The following TOMM7 variants were observed in gnomAD, a reference collection of about 807,000 sequenced individuals.
TOMM7 encodes mitochondrial import receptor subunit TOM7 homolog.
TOMM7 carries 8 observed loss-of-function variants against 9.5 expected under a neutral mutation model. The observed-to-expected ratio is 0.84, with a 90% confidence interval of 0.49 to 1.51. The LOEUF (loss-of-function observed/expected upper bound fraction) is 1.51, where lower values mean the gene tolerates loss of function less well. Ranked by LOEUF, TOMM7 falls within the 40% of genes most tolerant of loss-of-function variation. The pLI is 0.00. For synonymous variants in TOMM7, 27 were observed against 21.4 expected, an observed-to-expected ratio of 1.26 and a Z score of -0.72; for missense variants, 74 against 63.7, an observed-to-expected ratio of 1.16 and a Z score of -0.55.
chr7:22,821,498 G>A (rs1782390732), intron 1 of TOMM7, among the ~76,000 whole-genome samples: 1 of 152,178 alleles, frequency 6.6e-6, no homozygotes, highest in South Asian at 2.1e-4. Context: ...CCGCGCGCGG[G>A]GCGGAGGCCG....
intron 2 of TOMM7, among the ~76,000 whole-genome samples, chr7:22,813,647 T>C (rs759655459): frequency 6.6e-6 from 1 of 151,896 alleles, no homozygotes; most frequent in East Asian, 2.0e-4. Flanking sequence ...GAGATAGTTA[T>C]ATATCATTTA....
chr7:22,822,651 A>G, intron 1 of TOMM7, 26 bp downstream of exon 1: 2 of 1,595,114 alleles, frequency 1.3e-6, no homozygotes, highest in Non-Finnish European at 1.7e-6. Flanking sequence ...CCCTCCAGTC[A>G]CTTTCCCGGT....
At chr7:22,817,948 A>C (rs1479305393) in intron 2 of TOMM7, 52 bp downstream of exon 2, 4 of 1,516,312 alleles carry the variant, frequency 2.6e-6, no homozygotes, top group Middle Eastern at 1.8e-4. Context: ...TTAGTGATTC[A>C]GTACTACTGT....
chr7:22,821,412 A>G (rs973292361), intron 1 of TOMM7, among the ~76,000 whole-genome samples: 21 of 149,648 alleles, frequency 1.4e-4, no homozygotes, highest in South Asian at 1.3e-3. Flanking sequence ...TCTCAAAAAA[A>G]AAAAAAAAAA....
chr7:22,815,829 A>G (rs10238497), intron 2 of TOMM7, among the ~76,000 whole-genome samples: 107,944 of 151,664 alleles, frequency 0.71, 39,192 homozygotes, highest in East Asian at 0.99. Flanking sequence ...AAATTAAAAA[A>G]AAAAAAAGAA....
At chr7:22,822,465 T>C (rs1782406759) in intron 1 of TOMM7, 2 of 708,588 alleles carry the variant, frequency 2.8e-6, no homozygotes, top group Non-Finnish European at 4.6e-6. Context: ...AAAGGAGGGA[T>C]TGCAAGACTG....
At chr7:22,817,953 T>C (rs1782337717) in intron 2 of TOMM7, 47 bp downstream of exon 2, 1 of 1,544,356 alleles carries the variant, frequency 6.5e-7, no homozygotes, top group African/African-American at 1.4e-5. Context: ...GATTCAGTAC[T>C]ACTGTATGAA....
At chr7:22,821,525 C>G (rs1188103694) in intron 1 of TOMM7, among the ~76,000 whole-genome samples, 10 of 152,036 alleles carry the variant, frequency 6.6e-5, no homozygotes, top group Non-Finnish European at 1.5e-5. Context: ...GGGGAGGTAG[C>G]TAACTTGAGG....
intron 2 of TOMM7, 142 bp from the exon 3 acceptor site, chr7:22,813,327 C>T (rs949628311): frequency 1.0e-5 from 7 of 687,836 alleles, no homozygotes; most frequent in Admixed American, 9.1e-5. Context: ...AGGATCAATC[C>T]CACTGAACAA....
intron 1 of TOMM7, among the ~76,000 whole-genome samples, chr7:22,820,640 G>A (rs1190346780): frequency 6.6e-6 from 1 of 152,160 alleles, no homozygotes; most frequent in East Asian, 1.9e-4. Flanking sequence ...GCTAAAAGGG[G>A]AGCTAGTCCC....
intron 1 of TOMM7, among the ~76,000 whole-genome samples, chr7:22,820,901 TAG>T (rs1782379031): frequency 6.6e-6 from 1 of 152,070 alleles, no homozygotes; most frequent in African/African-American, 2.4e-5. Flanking sequence ...CATGGAGAAA[TAG>T]AAACCACAGC....
intron 2 of TOMM7, 32 bp downstream of exon 2, chr7:22,817,968 T>C: frequency 5.6e-6 from 9 of 1,603,202 alleles, no homozygotes; most frequent in Non-Finnish European, 6.8e-6. Flanking sequence ...TATGAACATT[T>C]GTCCTGAAAT....
At chr7:22,816,452 A>C (rs1293075156) in intron 2 of TOMM7, among the ~76,000 whole-genome samples, 1 of 152,254 alleles carries the variant, frequency 6.6e-6, no homozygotes, top group African/African-American at 2.4e-5. Context: ...GCTATTTTAC[A>C]GAAAAGAAAA....
At chr7:22,818,502 A>G (rs1166515533) in intron 1 of TOMM7, among the ~76,000 whole-genome samples, 1 of 152,148 alleles carries the variant, frequency 6.6e-6, no homozygotes, top group Non-Finnish European at 1.5e-5. Flanking sequence ...GCTGGTCTCA[A>G]ACTCCTGACC....
chr7:22,822,441 G>A (rs1782406447), intron 1 of TOMM7: 5 of 768,998 alleles, frequency 6.5e-6, no homozygotes, highest in East Asian at 5.4e-5. Context: ...CCACTTTAAG[G>A]ATGCAAAAAT....
intron 2 of TOMM7, among the ~76,000 whole-genome samples, chr7:22,816,347 CTCTTA>C (rs1437549255): frequency 6.6e-6 from 1 of 152,226 alleles, no homozygotes. Context: ...CAGTAGTCCT[CTCTTA>C]TGTTTCCCAA....
intron 1 of TOMM7, 134 bp downstream of exon 1, chr7:22,822,543 G>C: frequency 1.2e-6 from 1 of 833,350 alleles, no homozygotes; most frequent in Non-Finnish European, 2.0e-6. Flanking sequence ...GGCCCCACTT[G>C]ACCAGACAGC....
chr7:22,816,591 C>G (rs1394879270), intron 2 of TOMM7, among the ~76,000 whole-genome samples: 1 of 152,180 alleles, frequency 6.6e-6, no homozygotes, highest in Non-Finnish European at 1.5e-5. Flanking sequence ...GTGTGAAGAT[C>G]ATTTGTTGAA....
At position 22,821,403 on chromosome 7, in the gene TOMM7, C is replaced by T. The variant is rs1392234802; in HGVS notation, c.103+1274G>A. Among the ~76,000 whole-genome samples the T allele has an allele frequency of 4.5e-5, 3 of 67,106 alleles. No individual in the cohort carries two copies. The South Asian group carries it at 1.4e-3, about 31-fold the overall frequency. The allele number at this position is 67,106 out of a possible 152,430, so 44.0% of individuals were successfully genotyped here. A position where few individuals can be genotyped will look rare whatever the true frequency, so the allele number is the denominator to read the frequency against. On this transcript the variant is annotated intron_variant, in intron 1 of 2. Coordinates refer to ENST00000358435, the MANE Select transcript of TOMM7 (RefSeq NM_019059.5). ...CCAGCCTGGGCGAGGCAGACCCCGTCTCAAAAAAAAAAAAAAAAAAGAAAA... is the reference window on the plus strand; with the variant it reads ...CCAGCCTGGGCGAGGCAGACCCCGTTTCAAAAAAAAAAAAAAAAAAGAAAA...
Sources: gnomAD v4.1 joint callset for allele counts (sites outside exome capture counted in the v4.1 genomes callset) on GRCh38, gnomAD v4.1.1 for gene constraint, MANE v1.5 for transcripts, NCBI Gene and HGNC (gene_info 2026-07-23, HGNC 2026-07-21) for gene names.